OR10J1: variants seen among roughly 807,000 people sequenced by gnomAD.
OR10J1 encodes the protein olfactory receptor 10J1.
For missense variants in OR10J1, 474 were observed against 376.6 expected (o/e 1.26, Z -2.14); for synonymous variants, 202 against 143.8 (o/e 1.40, Z -2.89).
chr1:159,402,572 A>G, the OR10J1 span, among the ~76,000 whole-genome samples: 2 of 152,102 alleles, frequency 1.3e-5, no homozygotes, highest in Admixed American at 6.6e-5. Flanking sequence ...AAAGATCTCT[A>G]TAATGAAAAC....
At chr1:159,410,146 G>A in the OR10J1 span, among the ~76,000 whole-genome samples, 1 of 152,080 alleles carries the variant, frequency 6.6e-6, no homozygotes, top group Admixed American at 6.6e-5. Context: ...CAAGGATATT[G>A]GTCTAAAATT....
chr1:159,400,520 G>A, the OR10J1 span, among the ~76,000 whole-genome samples: 5 of 150,040 alleles, frequency 3.3e-5, no homozygotes, highest in African/African-American at 4.9e-5. Context: ...TCAGCAAGGG[G>A]ATATAACAAT....
the OR10J1 span, among the ~76,000 whole-genome samples, chr1:159,408,527 G>A: frequency 2.6e-5 from 4 of 151,060 alleles, no homozygotes; most frequent in Non-Finnish European, 4.4e-5. Context: ...ATGACGAGTT[G>A]GTGGGTGCAG....
chr1:159,397,703 C>T, the OR10J1 span, among the ~76,000 whole-genome samples: 1 of 152,168 alleles, frequency 6.6e-6, no homozygotes, highest in African/African-American at 2.4e-5. Context: ...AGAACTATGT[C>T]TTGTGGTTTC....
the OR10J1 span, among the ~76,000 whole-genome samples, chr1:159,420,647 T>C: frequency 6.6e-6 from 1 of 152,072 alleles, no homozygotes; most frequent in Non-Finnish European, 1.5e-5. Context: ...TTCTCCTTTA[T>C]ATATGAAGGA....
chr1:159,428,798 C>T, the OR10J1 span, among the ~76,000 whole-genome samples: 29 of 152,302 alleles, frequency 1.9e-4, no homozygotes, highest in South Asian at 5.4e-3. Flanking sequence ...GAATGCCTGG[C>T]AACTCTTCCA....
At chr1:159,406,018 C>T in the OR10J1 span, 1 of 432,528 alleles carries the variant, frequency 2.3e-6, no homozygotes, top group East Asian at 4.9e-5. Context: ...TATCCCATGG[C>T]TATGAGAAGA....
the OR10J1 span, among the ~76,000 whole-genome samples, chr1:159,431,088 T>C: frequency 1.3e-5 from 2 of 152,194 alleles, no homozygotes; most frequent in Non-Finnish European, 2.9e-5. Flanking sequence ...AAGCAGAAGC[T>C]ACCCTCCACA....
upstream of OR10J1, among the ~76,000 whole-genome samples, chr1:159,433,793 G>T (rs894778217): frequency 6.6e-6 from 1 of 152,152 alleles, no homozygotes; most frequent in Admixed American, 6.5e-5. Context: ...TGTCTATGGG[G>T]CAATTATTCA....
At chr1:159,436,466 C>T (rs771981277), upstream of OR10J1, among the ~76,000 whole-genome samples, 1 of 152,118 alleles carries the variant, frequency 6.6e-6, no homozygotes, top group Non-Finnish European at 1.5e-5. Context: ...ATTGCCACCC[C>T]TCTAGATCAG....
chr1:159,434,802 C>A (rs1425787258), upstream of OR10J1, among the ~76,000 whole-genome samples: 1 of 152,146 alleles, frequency 6.6e-6, no homozygotes, highest in Non-Finnish European at 1.5e-5. Flanking sequence ...TTCCCTGGCA[C>A]ATGGAAAGCT....
At chr1:159,403,755 A>C in the OR10J1 span, among the ~76,000 whole-genome samples, 1 of 152,274 alleles carries the variant, frequency 6.6e-6, no homozygotes, top group South Asian at 2.1e-4. Context: ...CCAGCAATCC[A>C]ACTGCTGGAT....
At chr1:159,408,618 TA>T in the OR10J1 span, among the ~76,000 whole-genome samples, 86 of 146,556 alleles carry the variant, frequency 5.9e-4, 1 homozygote, top group Admixed American at 1.5e-3. Context: ...AGTATAATAA[TA>T]AAAAAAAAAG....
chr1:159,411,586 A>G, the OR10J1 span, among the ~76,000 whole-genome samples: 4 of 152,012 alleles, frequency 2.6e-5, no homozygotes, highest in African/African-American at 7.2e-5. Flanking sequence ...TTGAGCCTAT[A>G]TGTGTCTCTG....
chr1:159,430,265 C>T, the OR10J1 span, among the ~76,000 whole-genome samples: 1 of 151,988 alleles, frequency 6.6e-6, no homozygotes, highest in African/African-American at 2.4e-5. Context: ...CCAGCATATT[C>T]TCATTGAAAT....
chr1:159,426,842 A>G, the OR10J1 span, among the ~76,000 whole-genome samples: 2 of 151,996 alleles, frequency 1.3e-5, no homozygotes, highest in African/African-American at 2.4e-5. Flanking sequence ...AGATCTATAT[A>G]CATCATAGAT....
upstream of OR10J1, among the ~76,000 whole-genome samples, chr1:159,439,276 C>G (rs778970332): frequency 2.0e-5 from 3 of 152,122 alleles, no homozygotes; most frequent in Non-Finnish European, 4.4e-5. Flanking sequence ...TTCAAGCACC[C>G]AATCCATGCA....
the OR10J1 span, among the ~76,000 whole-genome samples, chr1:159,431,834 G>A: frequency 2.6e-5 from 4 of 152,154 alleles, no homozygotes; most frequent in African/African-American, 9.7e-5. Flanking sequence ...TACATTTAAG[G>A]TAGGCTAGGA....
chr1:159,430,567 A>C, the OR10J1 span, among the ~76,000 whole-genome samples: 23 of 152,088 alleles, frequency 1.5e-4, no homozygotes, highest in African/African-American at 5.6e-4. Flanking sequence ...CGGACCTTTC[A>C]ACAGGGATTG....
Sources: gnomAD v4.1 joint callset for allele counts (sites outside exome capture counted in the v4.1 genomes callset) on GRCh38, gnomAD v4.1.1 for gene constraint, MANE v1.5 for transcripts, NCBI Gene and HGNC (gene_info 2026-07-23, HGNC 2026-07-21) for gene names.